PSAP: variants seen among roughly 807,000 people sequenced by gnomAD.
The protein encoded by PSAP is prosaposin, also known as precursor of saposins.
A neutral mutation model predicts 66.0 loss-of-function variants in PSAP; 25 were observed. The observed-to-expected ratio is 0.38, with a 90% confidence interval of 0.28 to 0.53. The LOEUF is 0.53. PSAP is among the 20% of genes least tolerant of loss of function. PSAP has a pLI of 0.83. For missense variants in PSAP, 649 were observed against 668.8 expected (o/e 0.97, Z 0.33); for synonymous variants, 273 against 258.9 (o/e 1.05, Z -0.52).
intron 13 of PSAP, among the ~76,000 whole-genome samples, 164 bp from the exon 14 acceptor site, chr10:71,817,640 AGG>A (rs1842199066): frequency 6.6e-6 from 1 of 152,228 alleles, no homozygotes; most frequent in Admixed American, 6.5e-5. Flanking sequence ...ACTTAAAAAC[AGG>A]GAACACGTGG....
intron 8 of PSAP, among the ~76,000 whole-genome samples, chr10:71,820,636 G>T (rs1217073048): frequency 1.3e-5 from 2 of 150,146 alleles, no homozygotes; most frequent in African/African-American, 4.9e-5. Context: ...CTGTCCTGAT[G>T]ATGTGTTCGG....
chr10:71,829,519 CT>C (rs1842469464), intron 4 of PSAP, among the ~76,000 whole-genome samples: 1 of 152,200 alleles, frequency 6.6e-6, no homozygotes, highest in Non-Finnish European at 1.5e-5. Context: ...TAAGATGTGG[CT>C]TTGCTCCTCC....
chr10:71,822,477 G>A (rs1442341143), intron 7 of PSAP, among the ~76,000 whole-genome samples: 1 of 152,180 alleles, frequency 6.6e-6, no homozygotes, highest in African/African-American at 2.4e-5. Flanking sequence ...CATTTAAAAT[G>A]ATGCATTAAG....
intron 1 of PSAP, among the ~76,000 whole-genome samples, chr10:71,843,615 A>C (rs745912243): frequency 2.0e-5 from 3 of 152,226 alleles, no homozygotes; most frequent in African/African-American, 4.8e-5. Context: ...TACATTTGCA[A>C]GTCTCATTAG....
At chr10:71,850,322 A>G (rs1362100838) in intron 1 of PSAP, among the ~76,000 whole-genome samples, 1 of 152,192 alleles carries the variant, frequency 6.6e-6, no homozygotes, top group Non-Finnish European at 1.5e-5. Context: ...GGTCTCCACA[A>G]TCCTTTATCT....
chr10:71,840,292 G>A (rs974801827), intron 1 of PSAP, among the ~76,000 whole-genome samples: 1 of 152,176 alleles, frequency 6.6e-6, no homozygotes, highest in Non-Finnish European at 1.5e-5. Context: ...GCGGCACCAT[G>A]GCAACAGGCA....
At chr10:71,823,315 G>A (rs1003609389) in intron 7 of PSAP, among the ~76,000 whole-genome samples, 1 of 152,166 alleles carries the variant, frequency 6.6e-6, no homozygotes, top group Non-Finnish European at 1.5e-5. Context: ...AAAGGACCCT[G>A]TTACCCAGAG....
intron 1 of PSAP, among the ~76,000 whole-genome samples, chr10:71,843,304 G>T (rs1900499): frequency 0.087 from 13,240 of 152,194 alleles, 775 homozygotes; most frequent in African/African-American, 0.16. Context: ...CAGAAGAGAG[G>T]GGGAGGAGCT....
chr10:71,833,032 C>CAAAAACAA (rs1842550945), intron 2 of PSAP, among the ~76,000 whole-genome samples: 1 of 95,362 alleles, frequency 1.0e-5, no homozygotes, highest in Non-Finnish European at 2.0e-5. Flanking sequence ...AAAAAAAAAA[C>CAAAAACAA]AAAAAACAAA....
chr10:71,817,497 G>A, intron 13 of PSAP, 21 bp from the exon 14 acceptor site: 1 of 1,613,494 alleles, frequency 6.2e-7, no homozygotes, highest in East Asian at 2.2e-5. Context: ...AGAGGAAGCT[G>A]AGTTTAGTCT....
rs531811727 is a variant in PSAP, at chr10:71,820,085, G to T, written c.1005+155C>A. 9.8e-4 allele frequency among the ~76,000 whole-genome samples: 149 copies of T among 152,224 alleles called. 1 individual carries two copies. The highest frequency in any genetic ancestry group is 3.4e-3 in the African/African-American group (142 of 41,530). On this transcript the variant is annotated intron_variant, in intron 9 of 13. Coordinates refer to ENST00000394936, the MANE Select transcript of PSAP (RefSeq NM_002778.4). ...TCCCCGGACCCCCGCCAGCCTAGAG[G>T]TCCCACTGGTGAGGATTGCCTTCCA...
At chr10:71,843,449 C>T (rs1842765209) in intron 1 of PSAP, among the ~76,000 whole-genome samples, 1 of 152,166 alleles carries the variant, frequency 6.6e-6, no homozygotes, top group African/African-American at 2.4e-5. Context: ...AACAGCATCC[C>T]ATCACAGCTA....
intron 6 of PSAP, 136 bp downstream of exon 6, chr10:71,827,878 A>G: frequency 5.8e-6 from 7 of 1,217,082 alleles, no homozygotes; most frequent in Non-Finnish European, 8.3e-6. Flanking sequence ...ACCAAAATAG[A>G]TTCAAGTCTG....
chr10:71,837,354 T>G (rs924998115), intron 1 of PSAP, among the ~76,000 whole-genome samples: 1 of 152,000 alleles, frequency 6.6e-6, no homozygotes, highest in East Asian at 1.9e-4. Context: ...CGCCAAGAGG[T>G]GCAAAGCCCA....
Position 71,828,903 on chromosome 10 carries a change from C to A in PSAP, c.550G>T (p.Gly184Cys). The A allele has an allele frequency of 6.2e-7, 1 of 1,614,028 alleles. No individual in the cohort carries two copies. The highest frequency in any genetic ancestry group is 1.3e-5 in the African/African-American group (1 of 74,992). The change falls in exon 5 of 14, where the codon GGC (glycine) becomes TGC (cysteine). Residue 184 changes from glycine to cysteine, a missense_variant. By Grantham distance (159) the Gly-to-Cys change is radical (BLOSUM62 -3). Coordinates refer to ENST00000394936, the MANE Select transcript of PSAP (RefSeq NM_002778.4). ...NIPLLLYPQD[G>C]PRSKPQPKDN... ...TTTGGCTGGGGCTTGCTGCGGGGGC[C>A]GTCCTGAGGGTAGAGGAGGAGAGGG... is the stretch of plus-strand genomic sequence containing the variant.
At chr10:71,819,205 C>A in intron 11 of PSAP, 94 bp from the exon 12 acceptor site, 2 of 1,188,012 alleles carry the variant, frequency 1.7e-6, no homozygotes, top group East Asian at 2.5e-5. Context: ...ACACTGTTCC[C>A]TGAGAGCTCC....
intron 1 of PSAP, among the ~76,000 whole-genome samples, chr10:71,850,039 A>G (rs1842898153): frequency 6.9e-6 from 1 of 143,986 alleles, no homozygotes; most frequent in African/African-American, 2.6e-5. Context: ...ACTCTGGCAT[A>G]ACATTTTATA....
chr10:71,821,199 G>C (rs1490705646), intron 8 of PSAP, among the ~76,000 whole-genome samples: 2 of 152,232 alleles, frequency 1.3e-5, no homozygotes, highest in African/African-American at 2.4e-5. Flanking sequence ...GAGACCAACA[G>C]CTGGCAGTCA....
chr10:71,831,984 A>T, intron 2 of PSAP, 64 bp from the exon 3 acceptor site: 1 of 1,470,508 alleles, frequency 6.8e-7, no homozygotes, highest in Non-Finnish European at 9.5e-7. Flanking sequence ...ACACAGCTGG[A>T]ACTCCCCATG....
Sources: allele counts gnomAD v4.1 joint callset (sites outside exome capture counted in the v4.1 genomes callset), GRCh38; gene constraint gnomAD v4.1.1; transcripts MANE v1.5; gene names NCBI Gene and HGNC (gene_info 2026-07-23, HGNC 2026-07-21).